DNAH12: variants seen among roughly 807,000 people sequenced by gnomAD.
DNAH12 encodes the protein axonemal beta dynein heavy chain 12.
DNAH12 carries 285 observed loss-of-function variants against 371.5 expected under a neutral mutation model. The observed-to-expected ratio is 0.77, with a 90% CI of 0.70 to 0.85. DNAH12 has a LOEUF of 0.85. Among genes scored for constraint, DNAH12 ranks in the 40% least tolerant of loss-of-function variants. DNAH12 has a pLI of 0.00. For synonymous variants in DNAH12, 1,200 were observed against 1,213.0 expected, an observed-to-expected ratio of 0.99 and a Z score of 0.22; for missense variants, 3,611 against 3,689.4, an observed-to-expected ratio of 0.98 and a Z score of 0.55.
At chr3:57,427,072 T>C (rs2064793828) in intron 34 of DNAH12, among the ~76,000 whole-genome samples, 1 of 151,702 alleles carries the variant, frequency 6.6e-6, no homozygotes, top group African/African-American at 2.4e-5. Flanking sequence ...TAGAACATTT[T>C]AGGATAAAAC....
chr3:57,306,511 C>T (rs991091118), intron 69 of DNAH12, among the ~76,000 whole-genome samples: 4 of 151,976 alleles, frequency 2.6e-5, no homozygotes, highest in Non-Finnish European at 4.4e-5. Flanking sequence ...ACCTCATTGC[C>T]GCCTTTTCCC....
intron 2 of DNAH12, among the ~76,000 whole-genome samples, chr3:57,533,702 T>C (rs926710112): frequency 1.3e-5 from 2 of 152,216 alleles, no homozygotes; most frequent in African/African-American, 4.8e-5. Context: ...CCTATCCTAG[T>C]GTGACTGAGC....
At chr3:57,406,580 T>C (rs2064035530) in intron 40 of DNAH12, among the ~76,000 whole-genome samples, 1 of 152,116 alleles carries the variant, frequency 6.6e-6, no homozygotes, top group Non-Finnish European at 1.5e-5. Flanking sequence ...TAAAGGTGAA[T>C]AATCTGAGGT....
In DNAH12 at chr3:57,323,517, T is replaced by C; in HGVS notation, c.10081A>G (p.Thr3361Ala). ...LTKSYLDSNC[T>A]IPLIFVLSPG... ...GATAGAACAAAAATTAAGGGAATGGTGCAATTTGAATCCAAGTAACTCTTT... is the reference window on the plus strand; with the variant it reads ...GATAGAACAAAAATTAAGGGAATGGCGCAATTTGAATCCAAGTAACTCTTT... Residue 3361 changes from threonine to alanine, a missense_variant, in exon 63 of 74, where the codon ACC becomes GCC. By Grantham distance (58) the Thr-to-Ala change is moderately conservative. Around this residue, in one of 3 missense-constraint regions of DNAH12, gnomAD observed 2,266 missense variants for 2,236.9 expected, o/e 1.01. Coordinates refer to ENST00000495027, the MANE Select transcript of DNAH12 (RefSeq NM_001366028.2). 2 of 1,551,146 alleles carry C rather than the reference T, an allele frequency of 1.3e-6. No homozygotes were observed. Among genetic ancestry groups the C allele is most frequent in the South Asian group, 2.4e-5 (2 of 83,848 alleles).
chr3:57,397,079 T>C (rs2063757440), intron 43 of DNAH12, among the ~76,000 whole-genome samples: 1 of 152,168 alleles, frequency 6.6e-6, no homozygotes, highest in Admixed American at 6.5e-5. Flanking sequence ...CTTACATACA[T>C]TATATAATTT....
intron 69 of DNAH12, among the ~76,000 whole-genome samples, chr3:57,304,062 C>CA (rs1465906612): frequency 1.3e-5 from 2 of 150,200 alleles, no homozygotes; most frequent in Middle Eastern, 3.4e-3. Context: ...TGTGACCCCC[C>CA]ACTCCTGCCC....
chr3:57,389,814 GTGTGTGTGTA>G (rs2063572841), intron 45 of DNAH12, among the ~76,000 whole-genome samples: 1 of 66,126 alleles, frequency 1.5e-5, no homozygotes, highest in African/African-American at 3.7e-5. Context: ...GTGTGTGTGT[GTGTGTGTGTA>G]TATATATATA....
At chr3:57,417,312 T>A (rs1413789174) in intron 37 of DNAH12, among the ~76,000 whole-genome samples, 1 of 152,062 alleles carries the variant, frequency 6.6e-6, no homozygotes, top group East Asian at 1.9e-4. Context: ...ATAGCCATAT[T>A]CAGTTCTAAG....
intron 4 of DNAH12, among the ~76,000 whole-genome samples, chr3:57,523,097 T>G (rs1032351704): frequency 6.6e-6 from 1 of 152,096 alleles, no homozygotes; most frequent in African/African-American, 2.4e-5. Flanking sequence ...TTAAAACCCA[T>G]ATTGGCCGGG....
At chr3:57,369,065 C>T (rs1014662540) in intron 55 of DNAH12, among the ~76,000 whole-genome samples, 1 of 150,914 alleles carries the variant, frequency 6.6e-6, no homozygotes, top group African/African-American at 2.4e-5. Flanking sequence ...TAAATAAATA[C>T]AAAAATTAGC....
At chr3:57,328,695 T>TG (rs1245816242) in intron 62 of DNAH12, among the ~76,000 whole-genome samples, 22 of 136,480 alleles carry the variant, frequency 1.6e-4, no homozygotes, top group Admixed American at 6.1e-4. Flanking sequence ...AACATAGTGT[T>TG]GGAAGTTCTG....
At chr3:57,491,092 A>AC (rs2067106777) in intron 11 of DNAH12, among the ~76,000 whole-genome samples, 1 of 147,126 alleles carries the variant, frequency 6.8e-6, no homozygotes, top group African/African-American at 2.5e-5. Flanking sequence ...AAAAAAAAAA[A>AC]AAAAAAAAAC....
chr3:57,451,017 C>A (rs1054032888), intron 25 of DNAH12, among the ~76,000 whole-genome samples: 1 of 152,224 alleles, frequency 6.6e-6, no homozygotes. Flanking sequence ...TGGAATAATT[C>A]GTGCCATTCA....
chr3:57,314,966 C>A (rs963079861), intron 65 of DNAH12, among the ~76,000 whole-genome samples: 2 of 152,104 alleles, frequency 1.3e-5, no homozygotes, highest in African/African-American at 4.8e-5. Flanking sequence ...ATTCTGTAAA[C>A]TTGCTGGCAT....
chr3:57,443,594 C>A (rs1390662474), intron 29 of DNAH12, among the ~76,000 whole-genome samples: 2 of 151,462 alleles, frequency 1.3e-5, no homozygotes, highest in Non-Finnish European at 2.9e-5. Context: ...ATTTAAGGTG[C>A]AACATGATGA....
At chr3:57,335,257 G>A (rs1396035836) in intron 60 of DNAH12, among the ~76,000 whole-genome samples, 1 of 152,108 alleles carries the variant, frequency 6.6e-6, no homozygotes, top group Non-Finnish European at 1.5e-5. Context: ...GCTGAATTGA[G>A]GAAACCGGCA....
intron 13 of DNAH12, among the ~76,000 whole-genome samples, chr3:57,481,758 A>G (rs968918419): frequency 1.3e-5 from 2 of 152,004 alleles, no homozygotes; most frequent in African/African-American, 4.8e-5. Flanking sequence ...GGCCTCAGAA[A>G]TAATGCCGCA....
rs917178018 is a variant in DNAH12, at chr3:57,507,691, T to A, written c.849A>T (p.Glu283Asp). 1 of 1,609,928 alleles carries A rather than the reference T, an allele frequency of 6.2e-7. No homozygotes were observed. The highest frequency in any genetic ancestry group is 1.3e-5 in the African/African-American group (1 of 74,742). The change falls in exon 8 of 74, where the codon GAA becomes GAT. Residue 283 changes from glutamate to aspartate, a missense_variant. This residue lies in a region of DNAH12 where 1,314 missense variants were observed against 1,398.7 expected (regional missense o/e 0.94). Coordinates refer to ENST00000495027, the MANE Select transcript of DNAH12 (RefSeq NM_001366028.2). ...CACAGCTATAAAATGCATCCAATTTTTCAGGTTTAACACCTTCTAGTGCCT... is the reference window on the plus strand; with the variant it reads ...CACAGCTATAAAATGCATCCAATTTATCAGGTTTAACACCTTCTAGTGCCT... ...KKEALEGVKPEKLDAFYSCVS... is the reference protein window; with the variant it reads ...KKEALEGVKPDKLDAFYSCVS...
intron 60 of DNAH12, among the ~76,000 whole-genome samples, chr3:57,345,345 C>G (rs2062513480): frequency 6.6e-6 from 1 of 152,006 alleles, no homozygotes; most frequent in Non-Finnish European, 1.5e-5. Flanking sequence ...AAAATAGACA[C>G]AAAAATTCTC....
Sources: allele counts gnomAD v4.1 joint callset (sites outside exome capture counted in the v4.1 genomes callset), GRCh38; gene constraint gnomAD v4.1.1; regional missense constraint gnomAD v4.1.1; transcripts MANE v1.5; gene names NCBI Gene and HGNC (gene_info 2026-07-23, HGNC 2026-07-21).